The following MECOM variants were observed in gnomAD, a reference collection of about 807,000 sequenced individuals.
The protein encoded by MECOM is MDS1 and EVI1 complex locus.
Under a neutral mutation model 116.3 loss-of-function variants are expected in MECOM, and 13 were observed. The ratio of observed to expected loss-of-function variants is 0.11; its 90% CI spans 0.07 to 0.18. The LOEUF (loss-of-function observed/expected upper bound fraction) is 0.18, where lower values mean the gene tolerates loss of function less well. MECOM is among the 10% of genes least tolerant of loss of function. The pLI is 1.00. For synonymous variants in MECOM, 528 were observed against 535.2 expected, an observed-to-expected ratio of 0.99 and a Z score of 0.19; for missense variants, 1,299 against 1,509.0, an observed-to-expected ratio of 0.86 and a Z score of 2.31.
At chr3:169,187,540 A>T (rs1007826162) in intron 2 of MECOM, among the ~76,000 whole-genome samples, 3 of 152,114 alleles carry the variant, frequency 2.0e-5, no homozygotes, top group Non-Finnish European at 4.4e-5. Flanking sequence ...TCTGAACAGA[A>T]CCCTAAAAAG....
chr3:169,269,504 C>T (rs73879044), intron 2 of MECOM, among the ~76,000 whole-genome samples: 3,207 of 152,250 alleles, frequency 0.021, 124 homozygotes, highest in African/African-American at 0.072. Flanking sequence ...GAACTCAAAA[C>T]GCACTCAGGG....
At chr3:169,313,465 G>A (rs1345044159) in intron 2 of MECOM, among the ~76,000 whole-genome samples, 2 of 152,206 alleles carry the variant, frequency 1.3e-5, no homozygotes, top group East Asian at 3.9e-4. Context: ...CAGAGAGAGG[G>A]CAGAATAGCT....
chr3:169,149,632 A>G (rs748683244), intron 2 of MECOM: 2 of 486,232 alleles, frequency 4.1e-6, no homozygotes, highest in Admixed American at 4.2e-5. Context: ...TACGAGAGGA[A>G]GGCACACTGC....
intron 2 of MECOM, among the ~76,000 whole-genome samples, chr3:169,373,229 C>T (rs928652092): frequency 6.6e-6 from 1 of 151,976 alleles, no homozygotes; most frequent in African/African-American, 2.4e-5. Context: ...TAAAGTTTCT[C>T]TTGGTTGGAT....
chr3:169,112,951 G>T, intron 8 of MECOM, 77 bp from the exon 9 acceptor site: 1 of 1,042,662 alleles, frequency 9.6e-7, no homozygotes, highest in Non-Finnish European at 1.5e-6. Flanking sequence ...ACATTTAAAG[G>T]AACTAACAAT....
chr3:169,276,627 A>G (rs1176400893), intron 2 of MECOM, among the ~76,000 whole-genome samples: 1 of 151,488 alleles, frequency 6.6e-6, no homozygotes, highest in Non-Finnish European at 1.5e-5. Flanking sequence ...AACTCAATCT[A>G]TGTCTGCTCC....
intron 3 of MECOM, among the ~76,000 whole-genome samples, chr3:169,141,553 A>C (rs925586575): frequency 6.6e-6 from 1 of 152,012 alleles, no homozygotes; most frequent in Non-Finnish European, 1.5e-5. Flanking sequence ...CTCTTTTATC[A>C]TTGTACCTAG....
At chr3:169,275,572 T>C (rs1759479491) in intron 2 of MECOM, among the ~76,000 whole-genome samples, 2 of 152,240 alleles carry the variant, frequency 1.3e-5, no homozygotes, top group Non-Finnish European at 2.9e-5. Flanking sequence ...GATACGCAAA[T>C]GGCAATTTAA....
intron 3 of MECOM, among the ~76,000 whole-genome samples, chr3:169,132,211 C>G (rs1366762476): frequency 6.6e-6 from 1 of 151,996 alleles, no homozygotes; most frequent in Non-Finnish European, 1.5e-5. Context: ...GTGCTTATTC[C>G]CCTTGCTTTC....
intron 1 of MECOM, among the ~76,000 whole-genome samples, chr3:169,544,763 C>T (rs575984814): frequency 2.0e-5 from 3 of 152,120 alleles, no homozygotes; most frequent in Non-Finnish European, 4.4e-5. Flanking sequence ...AGCAAACTAA[C>T]ACAGGAACAG....
intron 1 of MECOM, among the ~76,000 whole-genome samples, chr3:169,585,570 A>G (rs1053685385): frequency 2.6e-5 from 4 of 152,182 alleles, no homozygotes; most frequent in African/African-American, 7.2e-5. Context: ...GCCAAGAACC[A>G]GGTATTATTA....
chr3:169,494,255 A>C (rs1163509315), intron 1 of MECOM, among the ~76,000 whole-genome samples: 1 of 151,990 alleles, frequency 6.6e-6, no homozygotes, highest in Non-Finnish European at 1.5e-5. Context: ...TTTACTGATA[A>C]ATTTTTGAGA....
chr3:169,405,426 A>G (rs1736541752), intron 1 of MECOM, among the ~76,000 whole-genome samples: 1 of 152,234 alleles, frequency 6.6e-6, no homozygotes, highest in East Asian at 1.9e-4. Context: ...TAAAAAAAAG[A>G]AGAGTGTAGT....
In MECOM at chr3:169,663,447, C is replaced by G; in HGVS notation, c.-75G>C. On this transcript the variant is annotated 5_prime_UTR_variant, in exon 1 of 17. Transcript: ENST00000651503. ...TTGGATCCTTTCCTTCTTTTGCTCT[C>G]CCTCTCGCTCCCTCCCTCTCTCTCC... 1 of 1,424,540 alleles carries G rather than the reference C, an allele frequency of 7.0e-7. No homozygotes were observed. Among genetic ancestry groups the G allele is most frequent in the Non-Finnish European group, 9.7e-7 (1 of 1,032,596 alleles). The allele number at this position is 1,424,540 out of a possible 1,614,324, so 88.2% of individuals were successfully genotyped here.
intron 1 of MECOM, among the ~76,000 whole-genome samples, chr3:169,475,496 A>G (rs531086759): frequency 3.9e-5 from 6 of 152,198 alleles, no homozygotes; most frequent in Non-Finnish European, 8.8e-5. Flanking sequence ...GGCCAGGAAT[A>G]CGGGCTGCCC....
At chr3:169,149,332 A>C (rs6796432) in intron 2 of MECOM, 10,016 of 171,628 alleles carry the variant, frequency 0.058, 867 homozygotes, top group African/African-American at 0.2. Flanking sequence ...CGTCGGTAGG[A>C]AAACAAAAGG....
chr3:169,571,274 C>A (rs1282125765), intron 1 of MECOM, among the ~76,000 whole-genome samples: 1 of 152,112 alleles, frequency 6.6e-6, no homozygotes, highest in Non-Finnish European at 1.5e-5. Context: ...CCTAGGAATA[C>A]AATTTACAAG....
chr3:169,115,641 A>G lies in MECOM; in HGVS notation c.2231T>C (p.Leu744Pro). 1.9e-6 allele frequency: 3 copies of G among 1,614,084 alleles called. No homozygotes were observed. Among genetic ancestry groups the G allele is most frequent in the Non-Finnish European group, 2.5e-6 (3 of 1,180,034 alleles). Reference sequence around the variant, plus strand: ...CTTCTCATCCTTTCGCTTAGTGGTGAGATCAAAGGGGGACTCAGAGCTGCC... The same window carrying G: ...CTTCTCATCCTTTCGCTTAGTGGTGGGATCAAAGGGGGACTCAGAGCTGCC... ...QKGSSESPFD[L>P]TTKRKDEKPL... The change falls in exon 8 of 17, where the codon CTC (leucine) becomes CCC (proline). Residue 744 changes from leucine to proline, a missense_variant. Leu to Pro is a moderately conservative substitution (Grantham distance 98, BLOSUM62 -3). This residue lies in a region of MECOM where 340 missense variants were observed against 312.6 expected (regional missense o/e 1.09). Transcript: ENST00000651503.
At chr3:169,213,943 G>A (rs1000040203) in intron 2 of MECOM, among the ~76,000 whole-genome samples, 4 of 152,064 alleles carry the variant, frequency 2.6e-5, no homozygotes, top group Non-Finnish European at 5.9e-5. Context: ...AGGAAGAAAA[G>A]TGACTTGCCC....
Sources: allele counts gnomAD v4.1 joint callset (sites outside exome capture counted in the v4.1 genomes callset), GRCh38; gene constraint gnomAD v4.1.1; regional missense constraint gnomAD v4.1.1; transcripts MANE v1.5; gene names NCBI Gene and HGNC (gene_info 2026-07-23, HGNC 2026-07-21).